Variants in CGB7 observed in about 807,000 individuals in gnomAD.
CGB7 encodes chorionic gonadotropin subunit beta 7, also known as choriogonadotropin subunit beta 7.
In CGB7, 6 loss-of-function variants were observed where a neutral mutation model predicts 7.3. That is an observed-to-expected ratio of 0.82 (90% CI 0.45 to 1.62). The LOEUF is 1.62. Among genes scored for constraint, CGB7 ranks in the 40% most tolerant of loss-of-function variants. The pLI is 0.01. For synonymous variants in CGB7, 47 were observed against 100.8 expected (o/e 0.47, Z 3.20); for missense variants, 114 against 236.2 (o/e 0.48, Z 3.39).
rs545563224 is a variant in CGB7, at chr19:49,056,183, C to G, written c.-808G>C. The G allele has an allele frequency of 1.4e-4, 177 of 1,267,324 alleles. No homozygotes were observed. The highest frequency in any genetic ancestry group is 2.4e-4 in the South Asian group (19 of 79,848). 78.5% of individuals were successfully genotyped at this position (1,267,324 alleles called of 1,614,324 possible). The stretch of plus-strand genomic sequence containing the variant: ...TAATGAGTGCGAGCCCACCTAGGTC[C>G]GACACCGCGTAGTGAGCGGCTGCCC... On this transcript the variant is annotated 5_prime_UTR_variant, in exon 3 of 5. Coordinates refer to ENST00000684222, the MANE Select transcript of CGB7 (RefSeq NM_001385261.1).
At chr19:49,055,251 C>G (rs899095393) in intron 3 of CGB7, 110 bp downstream of exon 3, 5 of 1,604,352 alleles carry the variant, frequency 3.1e-6, no homozygotes, top group Non-Finnish European at 1.7e-6. Flanking sequence ...TTGGGGGTCA[C>G]GCTCCTCCAG....
At position 49,057,541 on chromosome 19, in the gene CGB7, C is replaced by T; in HGVS notation, c.-1428G>A. 2 of 1,203,434 alleles carry T rather than the reference C, an allele frequency of 1.7e-6. No individual in the cohort carries two copies. The highest frequency in any genetic ancestry group is 2.1e-6 in the Non-Finnish European group (2 of 961,084). 74.5% of individuals were successfully genotyped at this position (1,203,434 alleles called of 1,614,324 possible). A position where few individuals can be genotyped will look rare whatever the true frequency, so the allele number is the denominator to read the frequency against. ...CCACCACAAAATCCCCCTGGTTCTG[C>T]CCCCGGTCTCAAGCCTTCTTGGTGT... On this transcript the variant is annotated 5_prime_UTR_variant, in exon 1 of 5. Coordinates refer to ENST00000684222, the MANE Select transcript of CGB7 (RefSeq NM_001385261.1).
chr19:49,055,221 A>G (rs908576795), intron 3 of CGB7, 140 bp downstream of exon 3: 5 of 1,595,194 alleles, frequency 3.1e-6, no homozygotes, highest in South Asian at 2.3e-5. Flanking sequence ...ACCCTCAGGA[A>G]CTGCCCCACG....
In CGB7 at chr19:49,054,351, G is replaced by A. The variant is rs765840268; in HGVS notation, c.438C>T (p.Pro146=). 5.2e-5 allele frequency: 84 copies of A among 1,606,302 alleles called. No homozygotes were observed. Among genetic ancestry groups the A allele is most frequent in the Non-Finnish European group, 6.8e-5 (80 of 1,177,340 alleles). Residue 146 remains proline, a synonymous_variant, in exon 5 of 5, where the codon CCC becomes CCT. Coordinates refer to ENST00000684222, the MANE Select transcript of CGB7 (RefSeq NM_001385261.1). ...GGAGTCGGGATGGACTTGGAAGGCT[G>A]GGGGGAGGGGCCTTTGAGGAAGAGG... ...QASSSSKAPP[P]SLPSPSRLPG...
intron 1 of CGB7, 62 bp from the exon 2 acceptor site, chr19:49,057,310 C>G (rs1261416680): frequency 6.7e-7 from 1 of 1,485,006 alleles, no homozygotes; most frequent in African/African-American, 1.4e-5. Flanking sequence ...ATCCCAAGTC[C>G]TGGGTCCCGA....
intron 2 of CGB7, 107 bp from the exon 3 acceptor site, chr19:49,056,702 C>G: frequency 9.4e-7 from 1 of 1,064,512 alleles, no homozygotes; most frequent in South Asian, 1.7e-5. Context: ...CATTTCCAGG[C>G]GAGCACCCCT....
At position 49,055,563 on chromosome 19, in the gene CGB7, G is replaced by T; in HGVS notation, c.-188C>A. On this transcript the variant is annotated 5_prime_UTR_variant, in exon 3 of 5. Coordinates refer to ENST00000684222, the MANE Select transcript of CGB7 (RefSeq NM_001385261.1). ...GCACCCCAGTCCTCTCCCCTCAGTG[G>T]TCTAGCGCCAAGGATGAGGCGGAGA... The T allele has an allele frequency of 4.6e-6, 7 of 1,523,922 alleles. No individual in the cohort carries two copies. Among genetic ancestry groups the T allele is most frequent in the Non-Finnish European group, 4.4e-6 (5 of 1,136,024 alleles). The allele number at this position is 1,523,922 out of a possible 1,614,324, so 94.4% of individuals were successfully genotyped here. A position where few individuals can be genotyped will look rare whatever the true frequency, so the allele number is the denominator to read the frequency against.
intron 1 of CGB7, 45 bp downstream of exon 1, chr19:49,057,417 G>A: frequency 7.2e-7 from 1 of 1,384,786 alleles, no homozygotes; most frequent in Non-Finnish European, 9.4e-7. Context: ...CCACGCCAGG[G>A]AACTTCAGCT....
At chr19:49,055,276 C>A (rs2122203474) in intron 3 of CGB7, 85 bp downstream of exon 3, 3 of 1,607,830 alleles carry the variant, frequency 1.9e-6, no homozygotes, top group Non-Finnish European at 2.5e-6. Flanking sequence ...AGGCGTCCTT[C>A]CACAGCTCAC....
rs972070168 is a variant in CGB7 at position 49,056,516 on chromosome 19, C to G, written c.-1141G>C. 1 of 1,302,830 alleles carries G rather than the reference C, an allele frequency of 7.7e-7. No individual in the cohort carries two copies. Among genetic ancestry groups the G allele is most frequent in the African/African-American group, 1.5e-5 (1 of 66,200 alleles). The allele number at this position is 1,302,830 out of a possible 1,614,324, so 80.7% of individuals were successfully genotyped here. A position where few individuals can be genotyped will look rare whatever the true frequency, so the allele number is the denominator to read the frequency against. On this transcript the variant is annotated 5_prime_UTR_variant, in exon 3 of 5. Coordinates refer to ENST00000684222, the MANE Select transcript of CGB7 (RefSeq NM_001385261.1). ...CAGAGACAGGGCTGCCGCTGCGGGT[C>G]GTGACTCCAGAGTTGGGGCGTCTCT... is the stretch of plus-strand genomic sequence containing the variant.
chr19:49,057,532 C>T lies in CGB7; in HGVS notation c.-1419G>A. 1.6e-6 allele frequency: 2 copies of T among 1,215,616 alleles called. No homozygotes were observed. The highest frequency in any genetic ancestry group is 2.1e-6 in the Non-Finnish European group (2 of 968,568). The allele number at this position is 1,215,616 out of a possible 1,614,324, so 75.3% of individuals were successfully genotyped here. ...GGCCCCCAGCCACCACAAAATCCCC[C>T]TGGTTCTGCCCCCGGTCTCAAGCCT... On this transcript the variant is annotated 5_prime_UTR_variant, in exon 1 of 5. Transcript: ENST00000684222.
At chr19:49,056,675 G>C in intron 2 of CGB7, 80 bp from the exon 3 acceptor site, 2 of 1,153,090 alleles carry the variant, frequency 1.7e-6, no homozygotes, top group African/African-American at 3.2e-5. Context: ...TAAGGAGTCT[G>C]CACATTCAAA....
chr19:49,056,520 A>G lies in CGB7; in HGVS notation c.-1145T>C, dbSNP rs1439469412. ...GACAGGGCTGCCGCTGCGGGTCGTG[A>G]CTCCAGAGTTGGGGCGTCTCTTCTA... On this transcript the variant is annotated 5_prime_UTR_variant, in exon 3 of 5. Coordinates refer to ENST00000684222, the MANE Select transcript of CGB7 (RefSeq NM_001385261.1). The G allele has an allele frequency of 8.4e-6, 11 of 1,302,278 alleles. No homozygotes were observed. Among genetic ancestry groups the G allele is most frequent in the African/African-American group, 1.5e-5 (1 of 65,940 alleles). 80.7% of individuals were successfully genotyped at this position (1,302,278 alleles called of 1,614,324 possible). A position where few individuals can be genotyped will look rare whatever the true frequency, so the allele number is the denominator to read the frequency against.
At chr19:49,055,241 T>A in intron 3 of CGB7, 120 bp downstream of exon 3, 4 of 1,601,240 alleles carry the variant, frequency 2.5e-6, no homozygotes, top group Non-Finnish European at 3.4e-6. Flanking sequence ...GTGAAGCTTA[T>A]TGGGGGTCAC....
Position 49,057,529 on chromosome 19 carries a change from C to T in CGB7, c.-1416G>A. The T allele has an allele frequency of 8.3e-7, 1 of 1,205,484 alleles. No homozygotes were observed. The highest frequency in any genetic ancestry group is 1.0e-6 in the Non-Finnish European group (1 of 962,130). 74.7% of individuals were successfully genotyped at this position (1,205,484 alleles called of 1,614,324 possible). A position where few individuals can be genotyped will look rare whatever the true frequency, so the allele number is the denominator to read the frequency against. The stretch of plus-strand genomic sequence containing the variant: ...GCAGGCCCCCAGCCACCACAAAATC[C>T]CCCTGGTTCTGCCCCCGGTCTCAAG... On this transcript the variant is annotated 5_prime_UTR_variant, in exon 1 of 5. Transcript: ENST00000684222.
At position 49,056,251 on chromosome 19, in the gene CGB7, G is replaced by A; in HGVS notation, c.-876C>T. 1.6e-6 allele frequency: 2 copies of A among 1,289,920 alleles called. No individual in the cohort carries two copies. Among genetic ancestry groups the A allele is most frequent in the Non-Finnish European group, 2.0e-6 (2 of 989,088 alleles). The allele number at this position is 1,289,920 out of a possible 1,614,324, so 79.9% of individuals were successfully genotyped here. A position where few individuals can be genotyped will look rare whatever the true frequency, so the allele number is the denominator to read the frequency against. On this transcript the variant is annotated 5_prime_UTR_variant, in exon 3 of 5. Coordinates refer to ENST00000684222, the MANE Select transcript of CGB7 (RefSeq NM_001385261.1). Reference sequence around the variant, plus strand: ...CCACGCCAGGGGGCGTGTCTGGGGTGGGGCTGGCCCGGCAGGCTCCCACTA... The same window carrying A: ...CCACGCCAGGGGGCGTGTCTGGGGTAGGGCTGGCCCGGCAGGCTCCCACTA...
rs1568405613 is a variant in CGB7, at chr19:49,056,425, G to A, written c.-1050C>T. 7.7e-7 allele frequency: 1 copy of A among 1,297,264 alleles called. No homozygotes were observed. Among genetic ancestry groups the A allele is most frequent in the African/African-American group, 1.5e-5 (1 of 66,138 alleles). The allele number at this position is 1,297,264 out of a possible 1,614,324, so 80.4% of individuals were successfully genotyped here. On this transcript the variant is annotated 5_prime_UTR_variant, in exon 3 of 5. Transcript: ENST00000684222. Reference sequence around the variant, plus strand: ...CGAGCCGGCGGAGCGGGTGCGGCGAGGAGCTGTAGGTTTCCTGAGCCGGAG... The same window carrying A: ...CGAGCCGGCGGAGCGGGTGCGGCGAAGAGCTGTAGGTTTCCTGAGCCGGAG...
chr19:49,056,349 G>A lies in CGB7; in HGVS notation c.-974C>T. The A allele has an allele frequency of 7.7e-7, 1 of 1,295,430 alleles. No homozygotes were observed. The highest frequency in any genetic ancestry group is 1.0e-6 in the Non-Finnish European group (1 of 992,316). 80.2% of individuals were successfully genotyped at this position (1,295,430 alleles called of 1,614,324 possible). A position where few individuals can be genotyped will look rare whatever the true frequency, so the allele number is the denominator to read the frequency against. The stretch of plus-strand genomic sequence containing the variant: ...TTCGGGACGCTGTGTATGCCCGGCA[G>A]GGGCTTCCAGTGGGGGCCACCCCAA... On this transcript the variant is annotated 5_prime_UTR_variant, in exon 3 of 5. Coordinates refer to ENST00000684222, the MANE Select transcript of CGB7 (RefSeq NM_001385261.1).
chr19:49,055,346 G>A lies in CGB7; in HGVS notation c.15+15C>T, dbSNP rs2040044214. 2.5e-6 allele frequency: 4 copies of A among 1,612,870 alleles called. No individual in the cohort carries two copies. The highest frequency in any genetic ancestry group is 3.4e-6 in the Non-Finnish European group (4 of 1,179,742). On this transcript the variant is annotated intron_variant, in intron 3 of 4. Coordinates refer to ENST00000684222, the MANE Select transcript of CGB7 (RefSeq NM_001385261.1). ...GGAAGGAGGTGGAAGGTGCCCAGGG[G>A]CCCTGCAGTCTTACCTGGAACATCT...
Sources: gnomAD v4.1 joint callset for allele counts on GRCh38, gnomAD v4.1.1 for gene constraint, MANE v1.5 for transcripts, NCBI Gene and HGNC (gene_info 2026-07-23, HGNC 2026-07-21) for gene names.